The following NREP variants were observed in gnomAD, a reference collection of about 807,000 sequenced individuals.
NREP encodes the protein neuronal regeneration-related protein.
A neutral mutation model predicts 8.6 loss-of-function variants in NREP; 5 were observed. The observed-to-expected ratio is 0.58, with a 90% CI of 0.30 to 1.22. The LOEUF is 1.22. NREP is among the 50% of genes most tolerant of loss of function. NREP has a pLI of 0.07. For missense variants in NREP, 86 were observed against 82.5 expected (o/e 1.04, Z -0.17); for synonymous variants, 27 against 28.0 (o/e 0.96, Z 0.11).
At chr5:111,764,830 G>C (rs1581100298) in intron 2 of NREP, among the ~76,000 whole-genome samples, 1 of 152,188 alleles carries the variant, frequency 6.6e-6, no homozygotes, top group African/African-American at 2.4e-5. Flanking sequence ...GGAATTCATA[G>C]AAGTACACAT....
chr5:111,897,811 G>T (rs1408471998), intron 2 of NREP, among the ~76,000 whole-genome samples: 1 of 151,538 alleles, frequency 6.6e-6, no homozygotes, highest in South Asian at 2.1e-4. Flanking sequence ...ACTTATATAT[G>T]ATATTGTGGA....
chr5:111,963,467 T>A (rs778706958), intron 2 of NREP, among the ~76,000 whole-genome samples: 1 of 151,834 alleles, frequency 6.6e-6, no homozygotes, highest in South Asian at 2.1e-4. Context: ...TTAAACCAAG[T>A]TCAGAATGAG....
chr5:111,736,590 G>C (rs558302282), intron 2 of NREP, among the ~76,000 whole-genome samples: 1 of 152,256 alleles, frequency 6.6e-6, no homozygotes, highest in East Asian at 1.9e-4. Flanking sequence ...GTAATGCTTG[G>C]TATACCCCGA....
At chr5:111,904,450 A>G (rs534118298) in intron 2 of NREP, among the ~76,000 whole-genome samples, 2 of 152,126 alleles carry the variant, frequency 1.3e-5, no homozygotes, top group South Asian at 4.1e-4. Context: ...ACCACTGATC[A>G]TTTTACTATC....
At chr5:111,959,317 G>A (rs1410963077) in intron 2 of NREP, among the ~76,000 whole-genome samples, 1 of 151,950 alleles carries the variant, frequency 6.6e-6, no homozygotes, top group Non-Finnish European at 1.5e-5. Context: ...TGAGGAAGGG[G>A]TAAGTGAGTA....
intron 2 of NREP, among the ~76,000 whole-genome samples, chr5:111,973,023 G>A (rs1460295211): frequency 6.6e-6 from 1 of 152,188 alleles, no homozygotes; most frequent in African/African-American, 2.4e-5. Flanking sequence ...GCACCAGGTT[G>A]TGCACCCATG....
intron 2 of NREP, among the ~76,000 whole-genome samples, chr5:111,877,544 T>A (rs537875414): frequency 5.4e-4 from 82 of 152,320 alleles, no homozygotes; most frequent in Middle Eastern, 6.8e-3. Context: ...GTTAATCTGC[T>A]TTTGTAACCA....
At chr5:111,756,297 A>T (rs1196481559) in intron 1 of NREP, 108 of 601,066 alleles carry the variant, frequency 1.8e-4, no homozygotes, top group East Asian at 5.7e-4. Flanking sequence ...TTCCGTGTTT[A>T]AAAAAAAAAA....
chr5:111,838,945 T>C (rs1752961436), intron 2 of NREP, among the ~76,000 whole-genome samples: 2 of 152,100 alleles, frequency 1.3e-5, no homozygotes, highest in African/African-American at 4.8e-5. Flanking sequence ...TAAAGTATTG[T>C]CAATTTTGAT....
intron 2 of NREP, among the ~76,000 whole-genome samples, chr5:111,791,196 C>T (rs1251894404): frequency 6.6e-6 from 1 of 152,146 alleles, no homozygotes; most frequent in Non-Finnish European, 1.5e-5. Context: ...TATCTATTAT[C>T]TCACATTCTT....
chr5:111,799,957 T>C (rs1430700785), intron 2 of NREP, among the ~76,000 whole-genome samples: 1 of 152,152 alleles, frequency 6.6e-6, no homozygotes, highest in African/African-American at 2.4e-5. Flanking sequence ...TCTCGCTCCG[T>C]CACCCAGGCT....
intron 2 of NREP, among the ~76,000 whole-genome samples, chr5:111,825,353 T>A (rs1309219395): frequency 6.6e-6 from 1 of 152,174 alleles, no homozygotes; most frequent in Non-Finnish European, 1.5e-5. Flanking sequence ...GGTGGGAGAA[T>A]AGGACAGGTC....
rs186736577 is a variant in NREP, at chr5:111,950,546, T to C, written c.135+24728A>G. 3.4e-4 allele frequency among the ~76,000 whole-genome samples: 51 copies of C among 151,774 alleles called. 2 individuals carry two copies. The East Asian group carries it at 9.1e-3, about 27-fold the overall frequency. On this transcript the variant is annotated intron_variant, in intron 2 of 3. Transcript: ENST00000395634. ...GGCAACAAAGGCCAAAATTGACAAA[T>C]GGGATTTAATCAAAGTAAAGAGCTT... is the stretch of plus-strand genomic sequence containing the variant.
At chr5:111,760,908 G>T (rs1750945526), upstream of NREP, among the ~76,000 whole-genome samples, 1 of 152,212 alleles carries the variant, frequency 6.6e-6, no homozygotes, top group Non-Finnish European at 1.5e-5. Context: ...TCATTCTCAA[G>T]TATTTCCTGA....
rs1479375721 is a variant in NREP at position 111,735,327 on chromosome 5, T to C, written c.81+103A>G. 10 of 718,024 alleles carry C rather than the reference T, an allele frequency of 1.4e-5. No homozygotes were observed. The East Asian group carries it at 1.5e-4, about 11-fold the overall frequency. 44.5% of individuals were successfully genotyped at this position (718,024 alleles called of 1,614,324 possible). Reference sequence around the variant, plus strand: ...ATAGTATCAGATTAATGGATTGTTATAGCAGCCTATAATGGGTATTCAAAT... The same window carrying C: ...ATAGTATCAGATTAATGGATTGTTACAGCAGCCTATAATGGGTATTCAAAT... On this transcript the variant is annotated intron_variant, in intron 3 of 3. Coordinates refer to ENST00000257435, the MANE Select transcript of NREP (RefSeq NM_004772.4).
intron 2 of NREP, among the ~76,000 whole-genome samples, chr5:111,874,552 G>A (rs1753861754): frequency 6.6e-6 from 1 of 152,144 alleles, no homozygotes; most frequent in South Asian, 2.1e-4. Context: ...AGATTGGCTT[G>A]TTGGGACTGG....
chr5:111,848,953 T>C (rs752670998), intron 2 of NREP, among the ~76,000 whole-genome samples: 11 of 152,148 alleles, frequency 7.2e-5, no homozygotes, highest in Admixed American at 1.3e-4. Context: ...ATGCCTTTCT[T>C]CCTTTGAACT....
At chr5:111,917,987 G>C (rs182123813) in intron 2 of NREP, among the ~76,000 whole-genome samples, 17 of 152,148 alleles carry the variant, frequency 1.1e-4, no homozygotes, top group African/African-American at 3.9e-4. Context: ...AAACTCCTTA[G>C]CTCATAAACA....
intron 2 of NREP, among the ~76,000 whole-genome samples, chr5:111,805,513 G>A (rs1752119852): frequency 6.6e-6 from 1 of 152,202 alleles, no homozygotes; most frequent in South Asian, 2.1e-4. Flanking sequence ...TGTATAAACT[G>A]ATATGGAGTT....
Sources: allele counts gnomAD v4.1 joint callset (sites outside exome capture counted in the v4.1 genomes callset), GRCh38; gene constraint gnomAD v4.1.1; transcripts MANE v1.5; gene names NCBI Gene and HGNC (gene_info 2026-07-23, HGNC 2026-07-21).